ST6GALNAC3: variants seen among roughly 807,000 people sequenced by gnomAD.
ST6GALNAC3 encodes ST6 N-acetylgalactosaminide alpha-2,6-sialyltransferase 3.
ST6GALNAC3 carries 25 observed loss-of-function variants against 32.7 expected under a neutral mutation model. That is an observed-to-expected ratio of 0.76 (90% CI 0.56 to 1.07). The LOEUF (loss-of-function observed/expected upper bound fraction) is 1.07. Among genes scored for constraint, ST6GALNAC3 ranks in the 50% least tolerant of loss-of-function variants. The pLI is 0.00. For synonymous variants in ST6GALNAC3, 129 were observed against 133.1 expected (o/e 0.97, Z 0.21); for missense variants, 355 against 382.4 (o/e 0.93, Z 0.60).
rs113560208 is a variant in ST6GALNAC3 at position 76,606,738 on chromosome 1, GA to G, written c.624-20704del. On this transcript the variant is annotated intron_variant, in intron 3 of 4. Coordinates refer to ENST00000328299, the MANE Select transcript of ST6GALNAC3 (RefSeq NM_152996.4). The stretch of plus-strand genomic sequence containing the variant: ...GAGCTTAAAATAAAATGAAAAGAGT[GA>G]AAAAAAAAAGAAAAAAAGAAAAGGA... Among the ~76,000 whole-genome samples, 730 of 132,862 alleles carry G rather than the reference GA, an allele frequency of 5.5e-3. 1 individual carries two copies. The highest frequency in any genetic ancestry group is 9.4e-3 in the Admixed American group (124 of 13,170). 87.2% of individuals were successfully genotyped at this position (132,862 alleles called of 152,430 possible). A position where few individuals can be genotyped will look rare whatever the true frequency, so the allele number is the denominator to read the frequency against.
intron 1 of ST6GALNAC3, among the ~76,000 whole-genome samples, chr1:76,154,721 G>C (rs1173228194): frequency 2.0e-5 from 3 of 152,146 alleles, no homozygotes; most frequent in Non-Finnish European, 4.4e-5. Flanking sequence ...CTTATTTTGG[G>C]GAGAGCAGGA....
intron 3 of ST6GALNAC3, among the ~76,000 whole-genome samples, chr1:76,567,251 T>C (rs1357627757): frequency 6.6e-6 from 1 of 152,166 alleles, no homozygotes; most frequent in East Asian, 1.9e-4. Flanking sequence ...TACATCTGAT[T>C]GGAATTTCAA....
intron 3 of ST6GALNAC3, among the ~76,000 whole-genome samples, chr1:76,449,763 G>A (rs1007194237): frequency 1.3e-5 from 2 of 152,066 alleles, no homozygotes; most frequent in Non-Finnish European, 2.9e-5. Context: ...TATATATTTT[G>A]TGTAACGGTC....
chr1:76,512,241 G>A (rs1484223978), intron 3 of ST6GALNAC3, among the ~76,000 whole-genome samples: 1 of 152,020 alleles, frequency 6.6e-6, no homozygotes, highest in Non-Finnish European at 1.5e-5. Flanking sequence ...GTGAAAGAAC[G>A]CCTCCATTTC....
At chr1:76,118,975 A>C (rs1381168845) in intron 1 of ST6GALNAC3, among the ~76,000 whole-genome samples, 3 of 152,150 alleles carry the variant, frequency 2.0e-5, no homozygotes, top group African/African-American at 4.8e-5. Flanking sequence ...GGCGTGCGCC[A>C]CCATGCCCAG....
At chr1:76,198,745 G>A (rs1159049343) in intron 1 of ST6GALNAC3, among the ~76,000 whole-genome samples, 2 of 152,136 alleles carry the variant, frequency 1.3e-5, no homozygotes, top group Non-Finnish European at 2.9e-5. Context: ...AGGATTGCTG[G>A]TATTTTAGAT....
chr1:76,559,553 TC>T (rs1232067060), intron 3 of ST6GALNAC3, among the ~76,000 whole-genome samples: 1 of 152,140 alleles, frequency 6.6e-6, no homozygotes, highest in Non-Finnish European at 1.5e-5. Context: ...CCTTTGTCCT[TC>T]AAAGGGTACC....
chr1:76,165,744 T>C (rs767181852), intron 1 of ST6GALNAC3, among the ~76,000 whole-genome samples: 32 of 152,374 alleles, frequency 2.1e-4, no homozygotes, highest in Middle Eastern at 3.4e-3. Context: ...ATTGTGGTTT[T>C]GATTTGCATT....
intron 2 of ST6GALNAC3, among the ~76,000 whole-genome samples, chr1:76,318,983 G>GTC (rs1488828773): frequency 6.6e-6 from 1 of 152,098 alleles, no homozygotes; most frequent in African/African-American, 2.4e-5. Flanking sequence ...TCATTGTGTT[G>GTC]TCTTTTTTGT....
At chr1:76,395,278 C>G (rs561421414) in intron 2 of ST6GALNAC3, among the ~76,000 whole-genome samples, 16 of 152,264 alleles carry the variant, frequency 1.1e-4, no homozygotes, top group African/African-American at 3.6e-4. Flanking sequence ...GTTTCGAAAA[C>G]AGGAGTTTCA....
intron 3 of ST6GALNAC3, among the ~76,000 whole-genome samples, chr1:76,502,322 C>CTAT (rs1374177439): frequency 1.3e-5 from 2 of 152,164 alleles, no homozygotes; most frequent in South Asian, 2.1e-4. Context: ...TTTGAGGTAA[C>CTAT]TATTATTATT....
At chr1:76,109,776 A>T (rs1647797633) in intron 1 of ST6GALNAC3, among the ~76,000 whole-genome samples, 1 of 152,184 alleles carries the variant, frequency 6.6e-6, no homozygotes, top group African/African-American at 2.4e-5. Context: ...TGAGATGGGA[A>T]ATTTATCCTG....
intron 1 of ST6GALNAC3, among the ~76,000 whole-genome samples, chr1:76,113,875 G>C (rs1648268317): frequency 6.6e-6 from 1 of 151,882 alleles, no homozygotes. Flanking sequence ...CACCCAGCTG[G>C]AGTGCAATGG....
chr1:76,257,239 A>T (rs1202983801), intron 1 of ST6GALNAC3, among the ~76,000 whole-genome samples: 1 of 152,194 alleles, frequency 6.6e-6, no homozygotes, highest in East Asian at 1.9e-4. Flanking sequence ...ATTATCACCA[A>T]TCAAAATGTC....
chr1:76,194,679 T>C (rs1654094714), intron 1 of ST6GALNAC3, among the ~76,000 whole-genome samples: 1 of 152,186 alleles, frequency 6.6e-6, no homozygotes, highest in Non-Finnish European at 1.5e-5. Flanking sequence ...TATGTTGTAT[T>C]GGTAAAAGTA....
chr1:76,297,541 G>A (rs537174363), intron 1 of ST6GALNAC3, among the ~76,000 whole-genome samples: 12 of 152,116 alleles, frequency 7.9e-5, no homozygotes, highest in Middle Eastern at 3.4e-3. Flanking sequence ...GTGGTATAAT[G>A]GAAAGATCAT....
At chr1:76,229,778 T>C (rs1656265432) in intron 1 of ST6GALNAC3, among the ~76,000 whole-genome samples, 1 of 152,154 alleles carries the variant, frequency 6.6e-6, no homozygotes. Flanking sequence ...CCACTTGCTG[T>C]TCCACGTGTG....
intron 2 of ST6GALNAC3, among the ~76,000 whole-genome samples, chr1:76,361,425 T>C (rs1013636012): frequency 1.3e-5 from 2 of 152,188 alleles, no homozygotes; most frequent in African/African-American, 4.8e-5. Flanking sequence ...CTATTTCCCA[T>C]ATAATATTCC....
At chr1:76,515,196 C>T (rs1662100276) in intron 3 of ST6GALNAC3, among the ~76,000 whole-genome samples, 1 of 152,060 alleles carries the variant, frequency 6.6e-6, no homozygotes, top group South Asian at 2.1e-4. Context: ...AATTTCCTCA[C>T]TCATCATTGA....
Sources: gnomAD v4.1 joint callset for allele counts (sites outside exome capture counted in the v4.1 genomes callset) on GRCh38, gnomAD v4.1.1 for gene constraint, MANE v1.5 for transcripts, NCBI Gene and HGNC (gene_info 2026-07-23, HGNC 2026-07-21) for gene names.